TBC1D22A: variants seen among roughly 807,000 people sequenced by gnomAD.
TBC1D22A encodes the protein TBC1 domain family member 22A, also known as putative GTPase activator.
TBC1D22A carries 38 observed loss-of-function variants against 60.2 expected under a neutral mutation model. The observed-to-expected ratio is 0.63, with a 90% CI of 0.49 to 0.83. TBC1D22A has a LOEUF of 0.83. Among genes scored for constraint, TBC1D22A ranks in the 40% least tolerant of loss-of-function variants. TBC1D22A has a pLI of 0.00. For missense variants in TBC1D22A, 628 were observed against 701.0 expected (o/e 0.90, Z 1.18); for synonymous variants, 302 against 281.7 (o/e 1.07, Z -0.72).
intron 11 of TBC1D22A, among the ~76,000 whole-genome samples, chr22:47,081,428 A>G (rs5769359): frequency 0.44 from 66,587 of 152,020 alleles, 14,962 homozygotes; most frequent in East Asian, 0.59. Context: ...CCCTAAGGTG[A>G]GAACCAGGCA....
At chr22:46,998,310 C>T (rs993925038) in intron 10 of TBC1D22A, among the ~76,000 whole-genome samples, 2 of 152,012 alleles carry the variant, frequency 1.3e-5, no homozygotes, top group Admixed American at 1.3e-4. Flanking sequence ...AATGCTTGCC[C>T]GTTCCAGGCA....
intron 9 of TBC1D22A, among the ~76,000 whole-genome samples, chr22:46,982,811 G>T (rs2074567156): frequency 6.6e-6 from 1 of 152,204 alleles, no homozygotes; most frequent in Non-Finnish European, 1.5e-5. Context: ...CAAGAGCACT[G>T]AGGGCAGCTG....
intron 8 of TBC1D22A, among the ~76,000 whole-genome samples, chr22:46,941,304 C>T (rs982416063): frequency 6.8e-6 from 1 of 147,912 alleles, no homozygotes; most frequent in Non-Finnish European, 1.5e-5. Context: ...CACAGTCTAC[C>T]CTTGAACAGC....
At chr22:46,953,886 G>T (rs905242207) in intron 8 of TBC1D22A, among the ~76,000 whole-genome samples, 1 of 152,238 alleles carries the variant, frequency 6.6e-6, no homozygotes, top group African/African-American at 2.4e-5. Context: ...GAGGGAGGCA[G>T]GGAGGGAGGT....
intron 2 of TBC1D22A, chr22:46,792,828 A>G (rs911044807): frequency 4.9e-6 from 7 of 1,439,206 alleles, no homozygotes; most frequent in Non-Finnish European, 6.4e-6. Context: ...GGGGAGAGCC[A>G]GGAGCTGGCA....
rs551165935 is a variant in TBC1D22A at position 46,835,706 on chromosome 22, GGA to G, written c.637+38091_637+38092del. ...AGAACAAAAAATGTCTTAAATCTGG[GGA>G]GAGAAATAGCCAGACTCAAGAAGCC... On this transcript the variant is annotated intron_variant, in intron 4 of 12. Transcript: ENST00000337137. 2.3e-4 allele frequency among the ~76,000 whole-genome samples: 35 copies of G among 152,250 alleles called. No individual in the cohort carries two copies. In the South Asian group the frequency reaches 6.8e-3, roughly 30 times the overall value.
chr22:47,083,497 C>T (rs753971051), intron 11 of TBC1D22A, among the ~76,000 whole-genome samples: 6 of 152,082 alleles, frequency 3.9e-5, no homozygotes, highest in African/African-American at 9.7e-5. Context: ...AGGAAATGGT[C>T]ACGGTTCTCC....
At chr22:46,869,294 C>G (rs994839611) in intron 4 of TBC1D22A, among the ~76,000 whole-genome samples, 3 of 152,244 alleles carry the variant, frequency 2.0e-5, no homozygotes, top group South Asian at 2.1e-4. Flanking sequence ...CACCCCTCCT[C>G]TGGTGACTCA....
intron 4 of TBC1D22A, among the ~76,000 whole-genome samples, chr22:46,877,141 C>A (rs1167752035): frequency 6.6e-6 from 1 of 152,188 alleles, no homozygotes; most frequent in Non-Finnish European, 1.5e-5. Context: ...TTGCTTAGTT[C>A]CTGTGTGACC....
At chr22:46,924,600 C>T (rs2070940561) in intron 8 of TBC1D22A, among the ~76,000 whole-genome samples, 1 of 152,230 alleles carries the variant, frequency 6.6e-6, no homozygotes, top group East Asian at 1.9e-4. Flanking sequence ...CAAACATTAG[C>T]TGGGCATGGT....
chr22:47,104,905 C>T (rs1396461491), intron 11 of TBC1D22A, among the ~76,000 whole-genome samples: 2 of 151,864 alleles, frequency 1.3e-5, no homozygotes, highest in Non-Finnish European at 2.9e-5. Flanking sequence ...AACAACCCCC[C>T]GACCGTTGCT....
At chr22:47,095,377 A>C (rs1238028979) in intron 11 of TBC1D22A, among the ~76,000 whole-genome samples, 1 of 152,254 alleles carries the variant, frequency 6.6e-6, no homozygotes, top group Non-Finnish European at 1.5e-5. Context: ...AAAATCGAAC[A>C]ATGCAATTAA....
intron 12 of TBC1D22A, among the ~76,000 whole-genome samples, chr22:47,159,078 A>C (rs1265297367): frequency 6.6e-6 from 1 of 150,900 alleles, no homozygotes; most frequent in Non-Finnish European, 1.5e-5. Context: ...CACACACAAC[A>C]CACACCATGT....
intron 8 of TBC1D22A, among the ~76,000 whole-genome samples, chr22:46,920,573 T>C (rs781215831): frequency 1.3e-5 from 2 of 152,166 alleles, no homozygotes; most frequent in South Asian, 2.1e-4. Flanking sequence ...CCCAGGTAGA[T>C]TCGCTGCTCC....
At chr22:46,900,030 A>G (rs938757314) in intron 7 of TBC1D22A, among the ~76,000 whole-genome samples, 8 of 76,478 alleles carry the variant, frequency 1.0e-4, no homozygotes, top group Non-Finnish European at 2.4e-4. Flanking sequence ...ATCAGTTTCT[A>G]CTTTCCTTCT....
intron 10 of TBC1D22A, among the ~76,000 whole-genome samples, chr22:47,035,395 C>G (rs1434979759): frequency 1.3e-5 from 2 of 152,190 alleles, no homozygotes; most frequent in Non-Finnish European, 2.9e-5. Flanking sequence ...TCCAGCCTCC[C>G]TGGTGACTTC....
chr22:47,150,156 G>A (rs1357589174), intron 12 of TBC1D22A, among the ~76,000 whole-genome samples: 6 of 151,864 alleles, frequency 4.0e-5, no homozygotes, highest in Non-Finnish European at 8.8e-5. Context: ...CACGCGGCAC[G>A]GGGCACAGTC....
intron 4 of TBC1D22A, among the ~76,000 whole-genome samples, chr22:46,864,220 T>C (rs2066944779): frequency 6.6e-6 from 1 of 152,214 alleles, no homozygotes; most frequent in African/African-American, 2.4e-5. Flanking sequence ...ATGTTAATGA[T>C]AGCAATTAAG....
intron 9 of TBC1D22A, among the ~76,000 whole-genome samples, chr22:46,975,210 C>T (rs1342943011): frequency 6.6e-6 from 1 of 152,148 alleles, no homozygotes; most frequent in African/African-American, 2.4e-5. Flanking sequence ...CTGTGCTCCA[C>T]ACCCGGGCAT....
Sources: gnomAD v4.1 joint callset for allele counts (sites outside exome capture counted in the v4.1 genomes callset) on GRCh38, gnomAD v4.1.1 for gene constraint, MANE v1.5 for transcripts, NCBI Gene and HGNC (gene_info 2026-07-23, HGNC 2026-07-21) for gene names.